The following TLK2 variants were observed in gnomAD, a reference collection of about 807,000 sequenced individuals.
TLK2 encodes the protein tousled like kinase 2.
In TLK2, 6 loss-of-function variants were observed where a neutral mutation model predicts 117.3. The ratio of observed to expected loss-of-function variants is 0.05; its 90% confidence interval spans 0.03 to 0.10. The LOEUF (loss-of-function observed/expected upper bound fraction) is 0.10, where lower values mean the gene tolerates loss of function less well. TLK2 is among the 10% of genes least tolerant of loss of function. The pLI, the probability that TLK2 is intolerant of heterozygous loss-of-function variation, is 1.00. For synonymous variants in TLK2, 257 were observed against 316.7 expected (o/e 0.81, Z 2.00); for missense variants, 299 against 901.2 (o/e 0.33, Z 8.56).
intron 16 of TLK2, among the ~76,000 whole-genome samples, chr17:62,593,407 C>CT (rs905165992): frequency 2.6e-5 from 4 of 152,006 alleles, no homozygotes; most frequent in African/African-American, 4.8e-5. Flanking sequence ...TAGAAACTGC[C>CT]TTTTTTTAAC....
rs367672205 is a variant in TLK2 at position 62,493,687 on chromosome 17, A to G, written c.81+12481A>G. 5.9e-5 allele frequency among the ~76,000 whole-genome samples: 9 copies of G among 152,356 alleles called. No homozygotes were observed. In the South Asian group the frequency reaches 1.9e-3, roughly 32 times the overall value. On this transcript the variant is annotated intron_variant, in intron 2 of 21. Transcript: ENST00000346027. Reference sequence around the variant, plus strand: ...AACTAGTAATGACAGTCAAATTGCAACTATTACAAATAGTATTATTGGCCC... The same window carrying G: ...AACTAGTAATGACAGTCAAATTGCAGCTATTACAAATAGTATTATTGGCCC...
chr17:62,560,182 T>C (rs1357531615), intron 10 of TLK2, 56 bp downstream of exon 10: 4 of 1,107,722 alleles, frequency 3.6e-6, no homozygotes, highest in Middle Eastern at 2.1e-4. Context: ...ATGTGTGTCA[T>C]TGTGTGGCTT....
Position 62,588,612 on chromosome 17 carries a change from G to T in TLK2, c.1460+2386G>T, listed in dbSNP as rs377015753. Among the ~76,000 whole-genome samples, 685 of 152,240 alleles carry T rather than the reference G, an allele frequency of 4.5e-3. 8 individuals carry two copies. The highest frequency in any genetic ancestry group is 0.036 in the South Asian group (174 of 4,822). ...ACCTTGGGGAGAGGGTGTGTGAGTT[G>T]TTGTGACCTTCATTCTTGCTTGGGC... On this transcript the variant is annotated intron_variant, in intron 16 of 21. Transcript: ENST00000346027.
At chr17:62,485,815 G>GT (rs1260389072) in intron 2 of TLK2, among the ~76,000 whole-genome samples, 13 of 146,386 alleles carry the variant, frequency 8.9e-5, no homozygotes, top group African/African-American at 3.3e-4. Flanking sequence ...GTAATTTTCT[G>GT]GTTTTTTTTT....
At chr17:62,505,488 A>G (rs1317652620) in intron 2 of TLK2, among the ~76,000 whole-genome samples, 1 of 140,666 alleles carries the variant, frequency 7.1e-6, no homozygotes, top group African/African-American at 2.6e-5. Flanking sequence ...CCTGGCCTCA[A>G]GTGGTCCTCC....
rs545414997 is a variant in TLK2 at position 62,498,964 on chromosome 17, G to A, written c.81+17758G>A. 6.9e-4 allele frequency among the ~76,000 whole-genome samples: 105 copies of A among 152,216 alleles called. 1 individual carries two copies. The highest frequency in any genetic ancestry group is 2.4e-3 in the African/African-American group (100 of 41,556). On this transcript the variant is annotated intron_variant, in intron 2 of 21. Coordinates refer to ENST00000346027, the MANE Select transcript of TLK2 (RefSeq NM_006852.6). ...TGCAGCCTCAACCTCCAGGGCTCAC[G>A]AGACCCTCCCACCTCAGCCTCCCTG...
chr17:62,483,883 T>C (rs1306462987), intron 2 of TLK2, among the ~76,000 whole-genome samples: 1 of 152,104 alleles, frequency 6.6e-6, no homozygotes, highest in African/African-American at 2.4e-5. Flanking sequence ...TGGAGTGCAG[T>C]AGCACAATCT....
intron 2 of TLK2, among the ~76,000 whole-genome samples, chr17:62,513,414 G>A (rs1238130317): frequency 7.0e-6 from 1 of 142,910 alleles, no homozygotes; most frequent in African/African-American, 2.6e-5. Flanking sequence ...CCTTGCACTC[G>A]CACTCCTGAG....
chr17:62,475,105 T>C (rs2071013313), upstream of TLK2, among the ~76,000 whole-genome samples: 2 of 152,122 alleles, frequency 1.3e-5, no homozygotes, highest in Non-Finnish European at 2.9e-5. Flanking sequence ...TTCCATTTTG[T>C]TAGGAATTGG....
intron 7 of TLK2, among the ~76,000 whole-genome samples, chr17:62,549,420 A>G (rs1316523319): frequency 1.2e-3 from 9 of 7,470 alleles, no homozygotes; most frequent in Non-Finnish European, 7.1e-3. Context: ...AAAAAAAAAA[A>G]AAAAAAAAAA....
intron 11 of TLK2, among the ~76,000 whole-genome samples, chr17:62,566,982 C>A (rs1240537096): frequency 6.6e-6 from 1 of 152,174 alleles, no homozygotes; most frequent in Non-Finnish European, 1.5e-5. Context: ...AATCCCAGCA[C>A]TTTGGGAGGC....
chr17:62,527,447 A>T (rs531201821), intron 6 of TLK2, among the ~76,000 whole-genome samples: 2 of 152,230 alleles, frequency 1.3e-5, no homozygotes, highest in East Asian at 3.9e-4. Context: ...GTGCTGCAGA[A>T]GTCCCCCTGA....
Position 62,612,439 on chromosome 17 carries a change from T to A in TLK2, c.2127T>A (p.Asp709Glu). ...CLAYRKEDRI[D>E]VQQLACDPYL... The stretch of plus-strand genomic sequence containing the variant: ...CCTACCGAAAGGAGGACCGCATTGA[T>A]GTCCAGCAGCTGGCCTGTGATCCCT... Residue 709 changes from aspartate (D) to glutamate (E), a missense_variant, in exon 22 of 22, where the codon GAT becomes GAA. Transcript: ENST00000346027. The A allele has an allele frequency of 6.2e-7, 1 of 1,614,216 alleles. No individual in the cohort carries two copies. Among genetic ancestry groups the A allele is most frequent in the Non-Finnish European group, 8.5e-7 (1 of 1,180,028 alleles).
chr17:62,569,319 C>T (rs1022053925), intron 11 of TLK2, among the ~76,000 whole-genome samples: 1 of 151,424 alleles, frequency 6.6e-6, no homozygotes, highest in African/African-American at 2.4e-5. Flanking sequence ...AAAAAACAAC[C>T]CATCTGGGAT....
At chr17:62,607,615 C>G (rs186569335) in intron 20 of TLK2, among the ~76,000 whole-genome samples, 1 of 152,260 alleles carries the variant, frequency 6.6e-6, no homozygotes, top group East Asian at 1.9e-4. Context: ...TCTGTCCTTA[C>G]CCCTCTTGGT....
chr17:62,498,544 C>G (rs1252883323), intron 2 of TLK2, among the ~76,000 whole-genome samples: 2 of 151,984 alleles, frequency 1.3e-5, no homozygotes, highest in Non-Finnish European at 2.9e-5. Flanking sequence ...TGTGCGCCAC[C>G]ACACCCAGCT....
chr17:62,476,455 C>T (rs1241148425), upstream of TLK2, among the ~76,000 whole-genome samples: 5 of 152,040 alleles, frequency 3.3e-5, no homozygotes, highest in Admixed American at 1.3e-4. Flanking sequence ...TGGTGGTGTG[C>T]GCCTGTAATC....
At chr17:62,476,879 C>T (rs944232685), upstream of TLK2, among the ~76,000 whole-genome samples, 1 of 151,232 alleles carries the variant, frequency 6.6e-6, no homozygotes, top group East Asian at 2.0e-4. Flanking sequence ...GTCAGGAATT[C>T]GAGACCAACG....
intron 12 of TLK2, chr17:62,574,250 C>A: frequency 6.7e-7 from 1 of 1,492,948 alleles, no homozygotes; most frequent in Non-Finnish European, 8.9e-7. Context: ...GATGGCTTAA[C>A]ACCAATCCTC....
Sources: allele counts gnomAD v4.1 joint callset (sites outside exome capture counted in the v4.1 genomes callset), GRCh38; gene constraint gnomAD v4.1.1; transcripts MANE v1.5; gene names NCBI Gene and HGNC (gene_info 2026-07-23, HGNC 2026-07-21).